The following FHIT variants were observed in gnomAD, a reference collection of about 807,000 sequenced individuals.
FHIT encodes the protein fragile histidine triad diadenosine triphosphatase.
In FHIT, 19 loss-of-function variants were observed where a neutral mutation model predicts 17.9. That is an observed-to-expected ratio of 1.06 (90% confidence interval 0.74 to 1.56). The LOEUF (loss-of-function observed/expected upper bound fraction) is 1.56, where lower values mean the gene tolerates loss of function less well. Ranked by LOEUF, FHIT falls within the 40% of genes most tolerant of loss-of-function variation. FHIT has a pLI of 0.00. For synonymous variants in FHIT, 81 were observed against 69.7 expected (o/e 1.16, Z -0.81); for missense variants, 248 against 189.2 (o/e 1.31, Z -1.82).
intron 1 of FHIT, among the ~76,000 whole-genome samples, chr3:61,240,303 C>A (rs1281246287): frequency 6.6e-6 from 1 of 152,212 alleles, no homozygotes. Context: ...CTCTCGTTAA[C>A]CAGGGCCTTT....
At chr3:60,600,525 T>C (rs997751806) in intron 4 of FHIT, among the ~76,000 whole-genome samples, 5 of 152,050 alleles carry the variant, frequency 3.3e-5, no homozygotes, top group Admixed American at 3.3e-4. Context: ...ATAAAACCAA[T>C]AAAGTGGTAT....
At chr3:60,638,111 G>A (rs2039634999) in intron 4 of FHIT, among the ~76,000 whole-genome samples, 1 of 152,188 alleles carries the variant, frequency 6.6e-6, no homozygotes, top group African/African-American at 2.4e-5. Context: ...GTCACCCTTA[G>A]AAGTTGCCAG....
chr3:60,317,788 CTTTT>C (rs10713144), intron 5 of FHIT, among the ~76,000 whole-genome samples: 1 of 138,536 alleles, frequency 7.2e-6, no homozygotes, highest in Admixed American at 7.2e-5. Flanking sequence ...AGTTTTTCTT[CTTTT>C]TTTTTTTTTT....
intron 5 of FHIT, among the ~76,000 whole-genome samples, chr3:60,157,948 AATTGGTGCTC>A (rs1189163177): frequency 6.6e-6 from 1 of 152,158 alleles, no homozygotes; most frequent in Non-Finnish European, 1.5e-5. Context: ...TGCATGTAGC[AATTGGTGCTC>A]TTTGCTTCCT....
chr3:60,401,273 C>T (rs1466371122), intron 5 of FHIT, among the ~76,000 whole-genome samples: 1 of 152,144 alleles, frequency 6.6e-6, no homozygotes, highest in Admixed American at 6.6e-5. Flanking sequence ...TGGTTTCATG[C>T]TCATGAAAGA....
At chr3:60,193,066 C>A (rs192189347) in intron 5 of FHIT, among the ~76,000 whole-genome samples, 2 of 152,180 alleles carry the variant, frequency 1.3e-5, no homozygotes, top group African/African-American at 2.4e-5. Flanking sequence ...CACCAGACTG[C>A]ACTCAGAAAA....
intron 5 of FHIT, among the ~76,000 whole-genome samples, chr3:60,130,761 TGTGTTTGTGTGTGTGTGTGTGTG>T (rs1336142358): frequency 4.7e-4 from 1 of 2,130 alleles, no homozygotes; most frequent in Non-Finnish European, 8.0e-4. Flanking sequence ...TGTGTGTGTG[TGTGTTTGTGTGTGTGTGTGTGTG>T]GTGTGTATAT....
chr3:61,093,869 T>C (rs1440558736), intron 2 of FHIT, among the ~76,000 whole-genome samples: 1 of 152,220 alleles, frequency 6.6e-6, no homozygotes, highest in Non-Finnish European at 1.5e-5. Flanking sequence ...AAATAAATGG[T>C]TACTAGTCTT....
intron 8 of FHIT, among the ~76,000 whole-genome samples, chr3:59,884,725 T>C (rs996710672): frequency 1.4e-4 from 21 of 152,158 alleles, no homozygotes; most frequent in African/African-American, 5.1e-4. Flanking sequence ...AATCCACTTT[T>C]AGCAGGCAGG....
intron 1 of FHIT, among the ~76,000 whole-genome samples, chr3:61,204,545 G>A (rs527912948): frequency 3.9e-5 from 6 of 152,256 alleles, no homozygotes; most frequent in South Asian, 4.1e-4. Context: ...AGGAAAACAC[G>A]CTGAATAGAA....
intron 2 of FHIT, among the ~76,000 whole-genome samples, chr3:61,083,220 C>T (rs7651431): frequency 0.67 from 101,430 of 152,044 alleles, 34,784 homozygotes; most frequent in Middle Eastern, 0.74. Context: ...GTGTATGTGA[C>T]TCAAAGTTTT....
rs970499645 is a variant in FHIT at position 60,470,354 on chromosome 3, C to T, written c.103+66506G>A. Among the ~76,000 whole-genome samples the T allele has an allele frequency of 2.6e-5, 4 of 152,024 alleles. No homozygotes were observed. The South Asian group carries it at 8.3e-4, about 32-fold the overall frequency. On this transcript the variant is annotated intron_variant, in intron 5 of 9. Transcript: ENST00000492590. Reference sequence around the variant, plus strand: ...CAGAGATGTTTTCTGGGAGTCACGGCCTGGAGTTGGGAAATTTAGAAATCT... The same window carrying T: ...CAGAGATGTTTTCTGGGAGTCACGGTCTGGAGTTGGGAAATTTAGAAATCT...
At chr3:61,239,761 C>CTATATATATATATATATATATATATATA (rs1491311135) in intron 1 of FHIT, among the ~76,000 whole-genome samples, 46 of 63,146 alleles carry the variant, frequency 7.3e-4, no homozygotes, top group East Asian at 1.9e-3. Context: ...AAACAACTGG[C>CTATATATATATATATATATATATATATA]CATATATATA....
intron 4 of FHIT, among the ~76,000 whole-genome samples, chr3:60,639,924 T>C (rs549241145): frequency 2.0e-5 from 3 of 152,294 alleles, no homozygotes; most frequent in Non-Finnish European, 2.9e-5. Context: ...ACACAAAATG[T>C]CGAATAACCA....
chr3:60,563,383 G>A (rs941089261), intron 4 of FHIT, among the ~76,000 whole-genome samples: 7 of 152,158 alleles, frequency 4.6e-5, no homozygotes, highest in African/African-American at 1.4e-4. Flanking sequence ...TGCATTTTTA[G>A]ACCAACTAAT....
intron 4 of FHIT, among the ~76,000 whole-genome samples, chr3:60,683,414 T>C (rs1280834534): frequency 6.6e-6 from 1 of 152,130 alleles, no homozygotes; most frequent in Admixed American, 6.5e-5. Context: ...GTCTGATCAG[T>C]CGGCAGCCAT....
At chr3:61,087,540 G>C (rs550980524) in intron 2 of FHIT, among the ~76,000 whole-genome samples, 11 of 152,234 alleles carry the variant, frequency 7.2e-5, no homozygotes, top group African/African-American at 2.6e-4. Flanking sequence ...TGTATGCAAA[G>C]TGCTTAATAC....
At chr3:60,109,262 G>C (rs924458765) in intron 5 of FHIT, among the ~76,000 whole-genome samples, 3 of 152,142 alleles carry the variant, frequency 2.0e-5, no homozygotes, top group Non-Finnish European at 2.9e-5. Flanking sequence ...AGCCCAGTAA[G>C]AAATATTAGC....
At chr3:60,211,372 A>G (rs184608323) in intron 5 of FHIT, among the ~76,000 whole-genome samples, 33 of 152,180 alleles carry the variant, frequency 2.2e-4, no homozygotes, top group African/African-American at 7.7e-4. Flanking sequence ...AACAGAGTAT[A>G]AGGGAGATAT....
Sources: allele counts gnomAD v4.1 joint callset (sites outside exome capture counted in the v4.1 genomes callset), GRCh38; gene constraint gnomAD v4.1.1; transcripts MANE v1.5; gene names NCBI Gene and HGNC (gene_info 2026-07-23, HGNC 2026-07-21).